Variants in FNTB observed in about 807,000 individuals in gnomAD.
FNTB encodes farnesyltransferase, CAAX box, subunit beta, also known as protein farnesyltransferase subunit beta.
A neutral mutation model predicts 59.4 loss-of-function variants in FNTB; 27 were observed. The ratio of observed to expected loss-of-function variants is 0.45; its 90% CI spans 0.34 to 0.63. The LOEUF is 0.63. FNTB is among the 20% of genes least tolerant of loss of function. The pLI is 0.02. For missense variants in FNTB, 449 were observed against 559.6 expected (o/e 0.80, Z 1.99); for synonymous variants, 230 against 220.7 (o/e 1.04, Z -0.37).
chr14:64,988,438 A>G (rs920641892), intron 1 of FNTB, among the ~76,000 whole-genome samples: 3 of 133,164 alleles, frequency 2.3e-5, no homozygotes, highest in Non-Finnish European at 4.8e-5. Context: ...AGACTATGGG[A>G]TTGCCTTTTT....
At chr14:65,013,655 C>T (rs1370772517) in intron 3 of FNTB, among the ~76,000 whole-genome samples, 2 of 152,204 alleles carry the variant, frequency 1.3e-5, no homozygotes, top group Non-Finnish European at 2.9e-5. Context: ...TCAAGCGATT[C>T]TCTTGCCTCA....
intron 1 of FNTB, 136 bp from the exon 2 acceptor site, chr14:65,004,113 A>G (rs12587546): frequency 0.45 from 366,513 of 820,538 alleles, 82,868 homozygotes; most frequent in Non-Finnish European, 0.46. Context: ...TGCAGAACCC[A>G]TCTTACAGTA....
chr14:65,025,250 T>C (rs897297380), intron 4 of FNTB, among the ~76,000 whole-genome samples: 1 of 152,156 alleles, frequency 6.6e-6, no homozygotes, highest in Non-Finnish European at 1.5e-5. Flanking sequence ...GGGTCAGTAG[T>C]GTTGCGTTCG....
chr14:65,050,569 C>T (rs1464621992), intron 9 of FNTB, among the ~76,000 whole-genome samples: 4 of 152,060 alleles, frequency 2.6e-5, no homozygotes, highest in Non-Finnish European at 4.4e-5. Flanking sequence ...CCAGCCTGGG[C>T]GACAGAGCAA....
intron 1 of FNTB, among the ~76,000 whole-genome samples, chr14:64,993,217 C>G (rs1248262667): frequency 1.3e-5 from 2 of 152,086 alleles, no homozygotes; most frequent in East Asian, 3.9e-4. Context: ...TAGCTTGAGC[C>G]CACAAATTCG....
intron 4 of FNTB, among the ~76,000 whole-genome samples, chr14:65,019,104 C>T (rs1037024211): frequency 1.3e-5 from 2 of 152,036 alleles, no homozygotes; most frequent in African/African-American, 2.4e-5. Flanking sequence ...ACCCGGGAGG[C>T]GGAGGTTGCG....
At chr14:65,043,448 C>G (rs1276375639) in intron 8 of FNTB, among the ~76,000 whole-genome samples, 2 of 152,192 alleles carry the variant, frequency 1.3e-5, no homozygotes, top group East Asian at 3.8e-4. Flanking sequence ...TTCAGGCCTG[C>G]TAGTGACTTG....
chr14:65,013,365 G>A lies in FNTB; in HGVS notation c.282+976G>A, dbSNP rs550086360. 1.8e-4 allele frequency among the ~76,000 whole-genome samples: 27 copies of A among 150,118 alleles called. No individual in the cohort carries two copies. In the East Asian group the frequency reaches 4.5e-3, roughly 25 times the overall value. ...TCCTCCAAATGAAGCCGGAAATCACGTTTTCATGTGACTCTCCTGACAAAT... is the reference window on the plus strand; with the variant it reads ...TCCTCCAAATGAAGCCGGAAATCACATTTTCATGTGACTCTCCTGACAAAT... On this transcript the variant is annotated intron_variant, in intron 3 of 11. Transcript: ENST00000246166.
intron 4 of FNTB, among the ~76,000 whole-genome samples, chr14:65,020,437 C>T (rs937121601): frequency 2.8e-5 from 4 of 143,420 alleles, no homozygotes; most frequent in African/African-American, 8.5e-5. Flanking sequence ...CAGCTTGCCT[C>T]TTTTTTTTTT....
At chr14:65,005,122 A>G (rs746189900) in intron 2 of FNTB, among the ~76,000 whole-genome samples, 37 of 152,246 alleles carry the variant, frequency 2.4e-4, no homozygotes, top group Non-Finnish European at 4.6e-4. Flanking sequence ...TGAAATTTCA[A>G]ACAAGAAATA....
In FNTB at chr14:65,012,447, T is replaced by C. The variant is rs752099699; in HGVS notation, c.282+58T>C. On this transcript the variant is annotated intron_variant, in intron 3 of 11. Coordinates refer to ENST00000246166, the MANE Select transcript of FNTB (RefSeq NM_002028.4). The surrounding 1 kb of genome is among the most constrained non-coding windows in gnomAD (Gnocchi z 5.0). The stretch of plus-strand genomic sequence containing the variant: ...AATTATCCACCAAATCCTCCTCCTT[T>C]TTCTATTTAAACGTAAAAGACTGTT... The C allele has an allele frequency of 1.2e-6, 2 of 1,607,368 alleles. No homozygotes were observed. The highest frequency in any genetic ancestry group is 1.7e-6 in the Non-Finnish European group (2 of 1,175,076).
chr14:64,992,996 C>T (rs1395403838), intron 1 of FNTB, among the ~76,000 whole-genome samples: 1 of 152,116 alleles, frequency 6.6e-6, no homozygotes, highest in Admixed American at 6.5e-5. Context: ...CTACCATGTT[C>T]GGCTACTTTT....
At chr14:65,050,976 A>G (rs1161451865) in intron 9 of FNTB, among the ~76,000 whole-genome samples, 1 of 152,252 alleles carries the variant, frequency 6.6e-6, no homozygotes, top group Admixed American at 6.5e-5. Context: ...GTCCCATCAT[A>G]TATGTATGTA....
Position 65,054,500 on chromosome 14 carries a change from C to T in FNTB, c.1068-75C>T. On this transcript the variant is annotated intron_variant, in intron 10 of 11. Transcript: ENST00000246166. The surrounding 1 kb of genome is among the most constrained non-coding windows in gnomAD (Gnocchi z 4.4). ...GGACGTGTGATTGCACCAGTGGTCT[C>T]TGAATTGGTGTGGCTACATTTGTAG... 6.9e-7 allele frequency: 1 copy of T among 1,445,752 alleles called. No homozygotes were observed. Among genetic ancestry groups the T allele is most frequent in the South Asian group, 1.2e-5 (1 of 80,852 alleles). 89.6% of individuals were successfully genotyped at this position (1,445,752 alleles called of 1,614,324 possible).
intron 11 of FNTB, among the ~76,000 whole-genome samples, chr14:65,056,628 C>T (rs1463849317): frequency 6.6e-6 from 1 of 152,136 alleles, no homozygotes; most frequent in African/African-American, 2.4e-5. Flanking sequence ...TTGTCTTCTG[C>T]GAATTGTCTG....
rs1595058283 is a variant in FNTB at position 65,030,736 on chromosome 14, T to A, written c.606-1874T>A. ...GCCTGGGCAACAAAGTGAGATCCTATCTTAAAAAAAAAAAAGAAGATGGAA... is the reference window on the plus strand; with the variant it reads ...GCCTGGGCAACAAAGTGAGATCCTAACTTAAAAAAAAAAAAGAAGATGGAA... On this transcript the variant is annotated intron_variant, in intron 6 of 11. Coordinates refer to ENST00000246166, the MANE Select transcript of FNTB (RefSeq NM_002028.4). This position sits in a 1 kb window ranked among gnomAD's most constrained non-coding sequence, Gnocchi z 4.5. 6.6e-6 allele frequency among the ~76,000 whole-genome samples: 1 copy of A among 150,738 alleles called. No homozygotes were observed.
At chr14:65,002,679 T>A (rs1238419960) in intron 1 of FNTB, among the ~76,000 whole-genome samples, 2 of 151,870 alleles carry the variant, frequency 1.3e-5, no homozygotes, top group African/African-American at 4.8e-5. Flanking sequence ...AGTCATAGGG[T>A]CACCTGATGA....
At chr14:65,002,652 A>G (rs1428152698) in intron 1 of FNTB, among the ~76,000 whole-genome samples, 1 of 152,120 alleles carries the variant, frequency 6.6e-6, no homozygotes, top group East Asian at 1.9e-4. Flanking sequence ...CCGGGGTTGC[A>G]GCAGAGAAGG....
rs1177576363 is a variant in FNTB, at chr14:64,986,934, T to C, written c.-20T>C. On this transcript the variant is annotated 5_prime_UTR_variant, in exon 1 of 12. Coordinates refer to ENST00000246166, the MANE Select transcript of FNTB (RefSeq NM_002028.4). ...CTTAACGAAGCAGAGTCCTACACAC[T>C]GTCTGCTGCTCTCCTGATCATGGCT... 6.2e-7 allele frequency: 1 copy of C among 1,613,776 alleles called. No individual in the cohort carries two copies. The highest frequency in any genetic ancestry group is 8.5e-7 in the Non-Finnish European group (1 of 1,179,664).
Sources: gnomAD v4.1 joint callset for allele counts (sites outside exome capture counted in the v4.1 genomes callset) on GRCh38, gnomAD v4.1.1 for gene constraint, Gnocchi (gnomAD v3.1) non-coding constraint, MANE v1.5 for transcripts, NCBI Gene and HGNC (gene_info 2026-07-23, HGNC 2026-07-21) for gene names.